The following CCDC178 variants were observed in gnomAD, a reference collection of about 807,000 sequenced individuals.
The protein encoded by CCDC178 is coiled-coil domain-containing protein 178.
Under a neutral mutation model 117.4 loss-of-function variants are expected in CCDC178, and 126 were observed. The observed-to-expected ratio is 1.07, with a 90% confidence interval of 0.93 to 1.24. CCDC178 has a LOEUF of 1.24. Among genes scored for constraint, CCDC178 ranks in the 50% most tolerant of loss-of-function variants. CCDC178 has a pLI of 0.00. For missense variants in CCDC178, 1,030 were observed against 986.9 expected (o/e 1.04, Z -0.59); for synonymous variants, 283 against 313.4 (o/e 0.90, Z 1.02).
At chr18:33,189,296 A>C (rs141362882) in intron 20 of CCDC178, among the ~76,000 whole-genome samples, 3 of 152,118 alleles carry the variant, frequency 2.0e-5, no homozygotes, top group African/African-American at 4.8e-5. Flanking sequence ...TAAGCAGCAG[A>C]AGAATAAAGT....
intron 20 of CCDC178, among the ~76,000 whole-genome samples, chr18:33,202,471 T>G (rs271536): frequency 0.094 from 13,176 of 140,146 alleles, 703 homozygotes; most frequent in African/African-American, 0.16. Context: ...AATTCAGTCG[T>G]CAAAAGTTCT....
intron 15 of CCDC178, among the ~76,000 whole-genome samples, chr18:33,232,026 T>G (rs151304939): frequency 6.6e-6 from 1 of 152,244 alleles, no homozygotes; most frequent in African/African-American, 2.4e-5. Context: ...GCTTTGCGGA[T>G]TAAGGTCTCT....
chr18:33,334,505 T>G (rs1201163300), intron 9 of CCDC178, among the ~76,000 whole-genome samples: 2 of 152,090 alleles, frequency 1.3e-5, no homozygotes, highest in African/African-American at 4.8e-5. Context: ...TTTCTGGCAT[T>G]AACTGAATCT....
At chr18:33,034,020 C>T (rs1394226859) in intron 21 of CCDC178, among the ~76,000 whole-genome samples, 2 of 151,652 alleles carry the variant, frequency 1.3e-5, no homozygotes, top group African/African-American at 4.8e-5. Context: ...AAAACTCAAC[C>T]AATGTCATCA....
chr18:33,006,919 C>T (rs189070450), intron 21 of CCDC178, among the ~76,000 whole-genome samples: 1 of 152,150 alleles, frequency 6.6e-6, no homozygotes, highest in African/African-American at 2.4e-5. Context: ...TGACCCTAAG[C>T]TCCAAAAAGG....
intron 20 of CCDC178, among the ~76,000 whole-genome samples, chr18:33,140,237 TG>T (rs1224134302): frequency 6.6e-6 from 1 of 152,084 alleles, no homozygotes; most frequent in Non-Finnish European, 1.5e-5. Flanking sequence ...AAGGGAAATG[TG>T]GGGTCAGAGC....
At chr18:33,422,700 C>A (rs925277599) in intron 2 of CCDC178, among the ~76,000 whole-genome samples, 1 of 152,078 alleles carries the variant, frequency 6.6e-6, no homozygotes, top group African/African-American at 2.4e-5. Flanking sequence ...CTGGACAGCA[C>A]AAATCTATGC....
In CCDC178 at chr18:33,065,451, A is replaced by G. The variant is rs555710347; in HGVS notation, c.2388+27310T>C. ...CACATGGAACACCATAAAGTCATCC[A>G]ATACTTGAATTTTGGGATTTCCAGA... On this transcript the variant is annotated intron_variant, in intron 21 of 22. Transcript: ENST00000383096. 1.1e-4 allele frequency among the ~76,000 whole-genome samples: 17 copies of G among 152,344 alleles called. No individual in the cohort carries two copies. In the South Asian group the frequency reaches 2.1e-3, roughly 19 times the overall value.
intron 20 of CCDC178, among the ~76,000 whole-genome samples, chr18:33,131,978 G>A (rs939260303): frequency 5.4e-5 from 8 of 147,634 alleles, no homozygotes; most frequent in Non-Finnish European, 7.4e-5. Context: ...TATATTGATT[G>A]TTTGTTTGTT....
At chr18:33,139,691 G>A (rs532402359) in intron 20 of CCDC178, among the ~76,000 whole-genome samples, 4 of 152,260 alleles carry the variant, frequency 2.6e-5, no homozygotes, top group South Asian at 2.1e-4. Context: ...GCTGTTAAAG[G>A]CATTCAGTTT....
chr18:33,206,874 T>A (rs2059050763), intron 20 of CCDC178, among the ~76,000 whole-genome samples: 1 of 152,204 alleles, frequency 6.6e-6, no homozygotes, highest in Admixed American at 6.5e-5. Flanking sequence ...AGCCCCCTGA[T>A]AAAATTGGGA....
At chr18:33,413,279 T>C (rs527849404) in intron 2 of CCDC178, among the ~76,000 whole-genome samples, 1 of 152,218 alleles carries the variant, frequency 6.6e-6, no homozygotes, top group African/African-American at 2.4e-5. Context: ...AATCCAAGCC[T>C]AGTGCTCTTC....
intron 5 of CCDC178, among the ~76,000 whole-genome samples, chr18:33,383,378 AC>A (rs2063459787): frequency 6.6e-6 from 1 of 151,396 alleles, no homozygotes. Context: ...GGGACAGATG[AC>A]CCCCTCAAGT....
At chr18:33,029,617 C>A (rs763487063) in intron 21 of CCDC178, among the ~76,000 whole-genome samples, 1 of 151,804 alleles carries the variant, frequency 6.6e-6, no homozygotes, top group African/African-American at 2.4e-5. Context: ...CTTTCTTGTT[C>A]ATGTAGGCAT....
chr18:33,310,689 A>T (rs2062328884), intron 11 of CCDC178, among the ~76,000 whole-genome samples: 1 of 152,188 alleles, frequency 6.6e-6, no homozygotes, highest in African/African-American at 2.4e-5. Flanking sequence ...CCCTCTGAAA[A>T]AAATAATTAA....
intron 5 of CCDC178, among the ~76,000 whole-genome samples, chr18:33,381,598 T>C (rs1055778094): frequency 2.6e-5 from 4 of 152,240 alleles, no homozygotes. Flanking sequence ...CTTTCTTAAA[T>C]TTTATCCTCA....
chr18:32,962,364 C>T (rs778687046), intron 22 of CCDC178, among the ~76,000 whole-genome samples: 2 of 152,040 alleles, frequency 1.3e-5, no homozygotes, highest in Non-Finnish European at 2.9e-5. Context: ...TCCTTCCTTT[C>T]TGTAGATACA....
intron 21 of CCDC178, among the ~76,000 whole-genome samples, chr18:33,074,176 A>C (rs271517): frequency 0.14 from 21,566 of 151,812 alleles, 2,374 homozygotes; most frequent in African/African-American, 0.31. Flanking sequence ...ATTTTAATTT[A>C]ATTATGATTT....
intron 6 of CCDC178, among the ~76,000 whole-genome samples, chr18:33,361,642 G>A (rs988659789): frequency 1.3e-5 from 2 of 151,758 alleles, no homozygotes; most frequent in African/African-American, 2.4e-5. Flanking sequence ...ATTTAAAAAT[G>A]GGCAAAGGAC....
Sources: allele counts gnomAD v4.1 joint callset (sites outside exome capture counted in the v4.1 genomes callset), GRCh38; gene constraint gnomAD v4.1.1; transcripts MANE v1.5; gene names NCBI Gene and HGNC (gene_info 2026-07-23, HGNC 2026-07-21).